The following RETREG1 variants were observed in gnomAD, a reference collection of about 807,000 sequenced individuals.
RETREG1 encodes the protein reticulophagy regulator 1.
A neutral mutation model predicts 54.8 loss-of-function variants in RETREG1; 44 were observed. That is an observed-to-expected ratio of 0.80 (90% confidence interval 0.63 to 1.03). The LOEUF (loss-of-function observed/expected upper bound fraction) is 1.03, where lower values mean the gene tolerates loss of function less well. Ranked by LOEUF, RETREG1 falls within the 50% of genes least tolerant of loss-of-function variation. The pLI is 0.00. For missense variants in RETREG1, 554 were observed against 605.1 expected, an observed-to-expected ratio of 0.92 and a Z score of 0.89; for synonymous variants, 217 against 238.5, an observed-to-expected ratio of 0.91 and a Z score of 0.83.
rs866978185 is a variant in RETREG1 at position 16,594,200 on chromosome 5, C to A, written c.321-22098G>T. On this transcript the variant is annotated intron_variant, in intron 1 of 8. Transcript: ENST00000306320. This position sits in a 1 kb window ranked among gnomAD's most constrained non-coding sequence, Gnocchi z 4.4. ...TAAACTTCTCAGTCATACAGTGCATCGATGTACAAGGGTGCTGAACCTTTT... is the reference window on the plus strand; with the variant it reads ...TAAACTTCTCAGTCATACAGTGCATAGATGTACAAGGGTGCTGAACCTTTT... Among the ~76,000 whole-genome samples the A allele has an allele frequency of 2.0e-5, 3 of 152,200 alleles. No homozygotes were observed. Among genetic ancestry groups the A allele is most frequent in the African/African-American group, 7.2e-5 (3 of 41,442 alleles).
At chr5:16,498,229 T>C (rs754544471) in intron 3 of RETREG1, among the ~76,000 whole-genome samples, 1 of 152,136 alleles carries the variant, frequency 6.6e-6, no homozygotes, top group Non-Finnish European at 1.5e-5. Context: ...CACCACAGAG[T>C]GTACTTACAC....
chr5:16,489,014 C>G (rs887160685), intron 3 of RETREG1, among the ~76,000 whole-genome samples: 2 of 133,268 alleles, frequency 1.5e-5, no homozygotes, highest in African/African-American at 5.6e-5. Flanking sequence ...ACCCAGGAGG[C>G]AGGGGCTGCA....
intron 3 of RETREG1, among the ~76,000 whole-genome samples, chr5:16,544,484 A>T (rs1741336872): frequency 6.6e-6 from 1 of 152,216 alleles, no homozygotes; most frequent in African/African-American, 2.4e-5. Context: ...GTATCTAAGA[A>T]ATCTTTCCCT....
At chr5:16,505,659 C>T (rs747635627) in intron 3 of RETREG1, among the ~76,000 whole-genome samples, 6 of 152,190 alleles carry the variant, frequency 3.9e-5, no homozygotes, top group Non-Finnish European at 8.8e-5. Flanking sequence ...GGAACAGGGA[C>T]CGTCCCCCTT....
At chr5:16,499,411 G>A (rs932592633) in intron 3 of RETREG1, among the ~76,000 whole-genome samples, 5 of 152,172 alleles carry the variant, frequency 3.3e-5, no homozygotes, top group Non-Finnish European at 7.3e-5. Flanking sequence ...CTAAGCAGTA[G>A]AAACTAGTAA....
At chr5:16,528,430 AC>A (rs1162889582) in intron 3 of RETREG1, among the ~76,000 whole-genome samples, 1 of 152,092 alleles carries the variant, frequency 6.6e-6, no homozygotes, top group Non-Finnish European at 1.5e-5. Context: ...GGGGACGGTC[AC>A]CCCAGGTTCA....
chr5:16,494,561 C>T (rs1739376700), intron 3 of RETREG1, among the ~76,000 whole-genome samples: 2 of 152,208 alleles, frequency 1.3e-5, no homozygotes, highest in Admixed American at 1.3e-4. Context: ...TCTCTTACTC[C>T]TGCTCTGGCC....
chr5:16,491,821 A>G (rs1190352944), intron 3 of RETREG1, among the ~76,000 whole-genome samples: 1 of 152,178 alleles, frequency 6.6e-6, no homozygotes, highest in African/African-American at 2.4e-5. Flanking sequence ...CCCAGAGTTC[A>G]TGACCAGCCT....
At chr5:16,613,516 G>A (rs994228730) in intron 1 of RETREG1, among the ~76,000 whole-genome samples, 2 of 152,126 alleles carry the variant, frequency 1.3e-5, no homozygotes, top group African/African-American at 2.4e-5. Flanking sequence ...CATTGGTTAC[G>A]GCTGTGTCAC....
chr5:16,519,116 A>G (rs1289585715), intron 3 of RETREG1, among the ~76,000 whole-genome samples: 1 of 152,224 alleles, frequency 6.6e-6, no homozygotes, highest in Admixed American at 6.5e-5. Flanking sequence ...AAATGATGCC[A>G]TCGATAATGA....
intron 3 of RETREG1, among the ~76,000 whole-genome samples, chr5:16,526,153 G>A (rs72744186): frequency 1.8e-3 from 278 of 152,326 alleles, no homozygotes; most frequent in Non-Finnish European, 3.1e-3. Flanking sequence ...GAGCTCTCCC[G>A]ATGCCCATGG....
At chr5:16,616,201 A>G (rs1743501934) in intron 1 of RETREG1, 1 of 164,914 alleles carries the variant, frequency 6.1e-6, no homozygotes, top group Non-Finnish European at 1.3e-5. Context: ...ATCTCAGGTG[A>G]CTGATGAATG....
At chr5:16,599,105 G>A (rs976269291) in intron 1 of RETREG1, among the ~76,000 whole-genome samples, 1 of 152,212 alleles carries the variant, frequency 6.6e-6, no homozygotes, top group African/African-American at 2.4e-5. Flanking sequence ...CTACTCAGGA[G>A]GCTGATGGGC....
chr5:16,580,384 T>C (rs1742448895), intron 1 of RETREG1, among the ~76,000 whole-genome samples: 1 of 152,244 alleles, frequency 6.6e-6, no homozygotes, highest in Admixed American at 6.5e-5. Context: ...AACACCTTGC[T>C]GACGCCTCCA....
At chr5:16,539,211 A>C (rs551217499) in intron 3 of RETREG1, among the ~76,000 whole-genome samples, 14 of 152,320 alleles carry the variant, frequency 9.2e-5, no homozygotes, top group Admixed American at 8.5e-4. Flanking sequence ...CGAGGGAGGA[A>C]GAAGGGCCTG....
intron 3 of RETREG1, among the ~76,000 whole-genome samples, chr5:16,520,322 T>C (rs2434589): frequency 0.26 from 37,100 of 140,918 alleles, 4,796 homozygotes; most frequent in East Asian, 0.48. Flanking sequence ...TTGTGGTTTT[T>C]TTTTTGTTGT....
intron 1 of RETREG1, among the ~76,000 whole-genome samples, chr5:16,588,342 C>G (rs150346085): frequency 0.01 from 1,541 of 152,240 alleles, 16 homozygotes; most frequent in Non-Finnish European, 0.016. Context: ...CATAAGGACA[C>G]CAGTCATATT....
At chr5:16,486,769 G>A (rs576167312) in intron 3 of RETREG1, among the ~76,000 whole-genome samples, 1 of 152,308 alleles carries the variant, frequency 6.6e-6, no homozygotes, top group African/African-American at 2.4e-5. Flanking sequence ...GAGATGAGGT[G>A]TGATTGACCA....
intron 3 of RETREG1, among the ~76,000 whole-genome samples, chr5:16,503,311 G>T (rs334465): frequency 0.24 from 37,121 of 152,018 alleles, 4,988 homozygotes; most frequent in East Asian, 0.39. Flanking sequence ...TTCAAAAGTG[G>T]TAAACATTTT....
Sources: allele counts gnomAD v4.1 joint callset (sites outside exome capture counted in the v4.1 genomes callset), GRCh38; gene constraint gnomAD v4.1.1; non-coding constraint Gnocchi (gnomAD v3.1); transcripts MANE v1.5; gene names NCBI Gene and HGNC (gene_info 2026-07-23, HGNC 2026-07-21).